DLGAP1: variants seen among roughly 807,000 people sequenced by gnomAD.
DLGAP1 encodes the protein DLG associated protein 1, also known as disks large-associated protein 1.
DLGAP1 carries 11 observed loss-of-function variants against 90.8 expected under a neutral mutation model. The observed-to-expected ratio is 0.12, with a 90% CI of 0.08 to 0.20. DLGAP1 has a LOEUF of 0.20. DLGAP1 is among the 10% of genes least tolerant of loss of function. The pLI, the probability that DLGAP1 is intolerant of heterozygous loss-of-function variation, is 1.00. For synonymous variants in DLGAP1, 558 were observed against 540.7 expected (o/e 1.03, Z -0.44); for missense variants, 1,050 against 1,333.8 (o/e 0.79, Z 3.31).
intron 1 of DLGAP1, among the ~76,000 whole-genome samples, chr18:4,275,773 G>A (rs1377126355): frequency 6.6e-6 from 1 of 151,984 alleles, no homozygotes; most frequent in East Asian, 1.9e-4. Flanking sequence ...ATTTCTGAGT[G>A]GCAGAGATGG....
chr18:3,860,311 T>C (rs112183562), intron 4 of DLGAP1, among the ~76,000 whole-genome samples: 19,929 of 152,004 alleles, frequency 0.13, 1,338 homozygotes, highest in Admixed American at 0.15. Flanking sequence ...CTGTGTTTTT[T>C]CAGGCATAAT....
intron 7 of DLGAP1, among the ~76,000 whole-genome samples, chr18:3,637,813 A>C (rs867204393): frequency 2.3e-4 from 35 of 152,074 alleles, no homozygotes; most frequent in Middle Eastern, 3.4e-3. Context: ...GTTTTGTTAA[A>C]ACTTATCCAA....
intron 1 of DLGAP1, among the ~76,000 whole-genome samples, chr18:4,341,287 C>T (rs1211491122): frequency 1.3e-5 from 2 of 152,058 alleles, no homozygotes; most frequent in Non-Finnish European, 2.9e-5. Flanking sequence ...ACTAATTATA[C>T]ATCATGCACT....
At chr18:4,076,995 A>C (rs2075533669) in intron 2 of DLGAP1, among the ~76,000 whole-genome samples, 1 of 152,120 alleles carries the variant, frequency 6.6e-6, no homozygotes. Flanking sequence ...GTTACTTCGC[A>C]AGGCTGAGCT....
At chr18:4,379,068 TTAAC>T (rs1331500882) in intron 1 of DLGAP1, among the ~76,000 whole-genome samples, 2 of 152,138 alleles carry the variant, frequency 1.3e-5, no homozygotes, top group African/African-American at 2.4e-5. Flanking sequence ...TCTTAATAAT[TTAAC>T]TAACAGAGTC....
chr18:3,648,560 C>T lies in DLGAP1; in HGVS notation c.1592-66312G>A, dbSNP rs59213503. Among the ~76,000 whole-genome samples, 1,202 of 152,284 alleles carry T rather than the reference C, an allele frequency of 7.9e-3. 8 individuals carry two copies. Among genetic ancestry groups the T allele is most frequent in the African/African-American group, 0.027 (1,108 of 41,554 alleles). On this transcript the variant is annotated intron_variant, in intron 7 of 12. Coordinates refer to ENST00000315677, the MANE Select transcript of DLGAP1 (RefSeq NM_004746.4). The stretch of plus-strand genomic sequence containing the variant: ...GACTATAGTTTTAGACTGAAAATAT[C>T]AAGGCCATTTTCTAAATTCGGGCTT...
intron 8 of DLGAP1, among the ~76,000 whole-genome samples, chr18:3,581,017 CTG>C (rs1346471591): frequency 6.6e-6 from 1 of 152,182 alleles, no homozygotes; most frequent in African/African-American, 2.4e-5. Context: ...CATCTCCTGT[CTG>C]TGTCCTTCCA....
intron 7 of DLGAP1, among the ~76,000 whole-genome samples, chr18:3,652,163 CAAAAAAA>C (rs756445206): frequency 1.1e-5 from 1 of 93,414 alleles, no homozygotes; most frequent in South Asian, 4.4e-4. Context: ...GACTCTGTAT[CAAAAAAA>C]AAAAAAAAAA....
chr18:3,501,198 A>G (rs1375183772), intron 12 of DLGAP1, among the ~76,000 whole-genome samples: 1 of 150,800 alleles, frequency 6.6e-6, no homozygotes, highest in East Asian at 1.9e-4. Flanking sequence ...GATTACAGAC[A>G]TGAGCCACCA....
At chr18:3,679,250 G>A (rs1199506917) in intron 7 of DLGAP1, among the ~76,000 whole-genome samples, 2 of 129,104 alleles carry the variant, frequency 1.5e-5, no homozygotes, top group Non-Finnish European at 3.2e-5. Context: ...AGCTCTTGTT[G>A]ACCTCCATTC....
At chr18:4,435,465 C>T (rs2083379828) in intron 1 of DLGAP1, among the ~76,000 whole-genome samples, 1 of 151,860 alleles carries the variant, frequency 6.6e-6, no homozygotes, top group African/African-American at 2.4e-5. Context: ...AAGGTAATTC[C>T]TAGAATTGCA....
chr18:3,724,646 G>A (rs1205100982), intron 7 of DLGAP1, among the ~76,000 whole-genome samples: 1 of 152,066 alleles, frequency 6.6e-6, no homozygotes, highest in African/African-American at 2.4e-5. Flanking sequence ...TCAGGAGGCT[G>A]AGGTGGGAGG....
chr18:3,757,022 A>G (rs1323537959), intron 5 of DLGAP1, among the ~76,000 whole-genome samples: 5 of 152,226 alleles, frequency 3.3e-5, no homozygotes, highest in Non-Finnish European at 7.3e-5. Flanking sequence ...AGGTAATATC[A>G]ATAGTCTATC....
At chr18:4,102,578 T>C (rs1392541794) in intron 2 of DLGAP1, among the ~76,000 whole-genome samples, 1 of 152,146 alleles carries the variant, frequency 6.6e-6, no homozygotes, top group Non-Finnish European at 1.5e-5. Flanking sequence ...GGATCACTGG[T>C]GATGTTTCAA....
chr18:3,579,056 T>C (rs1436362949), intron 8 of DLGAP1, among the ~76,000 whole-genome samples: 1 of 152,126 alleles, frequency 6.6e-6, no homozygotes, highest in African/African-American at 2.4e-5. Context: ...ATAATTATTA[T>C]TATTATTCTG....
intron 10 of DLGAP1, among the ~76,000 whole-genome samples, chr18:3,533,004 T>A (rs914855546): frequency 5.3e-5 from 8 of 152,120 alleles, no homozygotes; most frequent in African/African-American, 1.9e-4. Flanking sequence ...AAAATAATAG[T>A]GTGCAGGCTA....
intron 1 of DLGAP1, chr18:4,293,405 A>C (rs1311314960): frequency 6.6e-6 from 1 of 152,260 alleles, no homozygotes. Context: ...TAGAGATCAT[A>C]GATACAATGA....
At chr18:4,159,747 C>T (rs73369055) in intron 1 of DLGAP1, among the ~76,000 whole-genome samples, 6,929 of 152,222 alleles carry the variant, frequency 0.046, 526 homozygotes, top group African/African-American at 0.16. Flanking sequence ...TCACGAAATA[C>T]ATAGGCTTAT....
At chr18:4,063,679 T>A (rs73382628) in intron 2 of DLGAP1, among the ~76,000 whole-genome samples, 2 of 151,906 alleles carry the variant, frequency 1.3e-5, no homozygotes, top group Admixed American at 6.6e-5. Context: ...CTATTCTCAC[T>A]AAGGGAGCCT....
Sources: allele counts gnomAD v4.1 joint callset (sites outside exome capture counted in the v4.1 genomes callset), GRCh38; gene constraint gnomAD v4.1.1; transcripts MANE v1.5; gene names NCBI Gene and HGNC (gene_info 2026-07-23, HGNC 2026-07-21).